Variants in ATP9B observed in about 807,000 individuals in gnomAD.
The protein encoded by ATP9B is ATPase phospholipid transporting 9B.
In ATP9B, 110 loss-of-function variants were observed where a neutral mutation model predicts 146.1. That is an observed-to-expected ratio of 0.75 (90% CI 0.65 to 0.88). The LOEUF is 0.88. ATP9B is among the 40% of genes least tolerant of loss of function. The pLI, the probability that ATP9B is intolerant of heterozygous loss-of-function variation, is 0.00. For synonymous variants in ATP9B, 604 were observed against 569.7 expected (o/e 1.06, Z -0.86); for missense variants, 1,499 against 1,496.4 (o/e 1.00, Z -0.03).
At chr18:79,311,004 T>A (rs1424191582) in intron 15 of ATP9B, among the ~76,000 whole-genome samples, 1 of 152,004 alleles carries the variant, frequency 6.6e-6, no homozygotes, top group Non-Finnish European at 1.5e-5. Context: ...TATAAAAAAT[T>A]AGCCAGGTGT....
At chr18:79,091,187 C>G in intron 1 of ATP9B, among the ~76,000 whole-genome samples, 1 of 152,100 alleles carries the variant, frequency 6.6e-6, no homozygotes, top group East Asian at 1.9e-4. Context: ...TACTATAGCT[C>G]TGCAGTATAA....
At chr18:79,237,445 C>T (rs1385792792) in intron 11 of ATP9B, among the ~76,000 whole-genome samples, 1 of 152,250 alleles carries the variant, frequency 6.6e-6, no homozygotes, top group African/African-American at 2.4e-5. Context: ...CATCTGGGCC[C>T]TTTCCTGTGA....
intron 11 of ATP9B, among the ~76,000 whole-genome samples, chr18:79,247,513 C>T (rs917201081): frequency 1.3e-5 from 2 of 152,150 alleles, no homozygotes; most frequent in African/African-American, 4.8e-5. Context: ...AGGTAATATG[C>T]TTGCAAATTT....
chr18:79,198,900 C>T (rs2095440792), intron 9 of ATP9B, among the ~76,000 whole-genome samples: 1 of 152,142 alleles, frequency 6.6e-6, no homozygotes, highest in Admixed American at 6.5e-5. Context: ...AAGCTACACT[C>T]AACCTATTTA....
Position 79,126,407 on chromosome 18 carries a change from T to G in ATP9B, c.667+32T>G, listed in dbSNP as rs756353924. 9 of 1,441,682 alleles carry G rather than the reference T, an allele frequency of 6.2e-6. No individual in the cohort carries two copies. The South Asian group carries it at 9.8e-5, about 16-fold the overall frequency. The allele number at this position is 1,441,682 out of a possible 1,614,324, so 89.3% of individuals were successfully genotyped here. On this transcript the variant is annotated intron_variant, in intron 5 of 29. Coordinates refer to ENST00000426216, the MANE Select transcript of ATP9B (RefSeq NM_198531.5). ...AAGATGCTTTAATCCTGCTTAGCGTTTGCTTACTGTAATTATCATTTTAGA... is the reference window on the plus strand; with the variant it reads ...AAGATGCTTTAATCCTGCTTAGCGTGTGCTTACTGTAATTATCATTTTAGA...
chr18:79,131,522 C>G (rs577039163), intron 5 of ATP9B, among the ~76,000 whole-genome samples: 1 of 152,128 alleles, frequency 6.6e-6, no homozygotes, highest in Non-Finnish European at 1.5e-5. Flanking sequence ...TATAGAATAT[C>G]GAGTGCTGGA....
chr18:79,342,617 TA>T (rs1446714154), intron 20 of ATP9B, among the ~76,000 whole-genome samples: 1 of 150,560 alleles, frequency 6.6e-6, no homozygotes, highest in East Asian at 1.9e-4. Flanking sequence ...ATTAATTAAT[TA>T]AAAAGCATGT....
At chr18:79,375,558 A>G in intron 29 of ATP9B, 132 bp downstream of exon 29, 2 of 1,488,212 alleles carry the variant, frequency 1.3e-6, no homozygotes, top group Non-Finnish European at 1.8e-6. Flanking sequence ...GATGTCACGT[A>G]AACTGGTGGC....
chr18:79,168,221 G>A (rs968662913), intron 7 of ATP9B, among the ~76,000 whole-genome samples: 2 of 152,220 alleles, frequency 1.3e-5, no homozygotes, highest in Admixed American at 6.5e-5. Flanking sequence ...AGGAGACTTG[G>A]TGGTGGCATT....
At chr18:79,281,814 G>A (rs777153371) in intron 13 of ATP9B, among the ~76,000 whole-genome samples, 9 of 151,958 alleles carry the variant, frequency 5.9e-5, no homozygotes, top group Non-Finnish European at 1.3e-4. Flanking sequence ...ACCGGAGGTC[G>A]GGAGTTCAAG....
intron 1 of ATP9B, among the ~76,000 whole-genome samples, chr18:79,088,427 T>G (rs1207977652): frequency 6.6e-6 from 1 of 152,212 alleles, no homozygotes; most frequent in African/African-American, 2.4e-5. Flanking sequence ...AAATGACATT[T>G]TAAGGGAAAA....
At position 79,294,133 on chromosome 18, in the gene ATP9B, G is replaced by T. The variant is rs578071062; in HGVS notation, c.1412-9471G>T. Among the ~76,000 whole-genome samples, 3 of 152,222 alleles carry T rather than the reference G, an allele frequency of 2.0e-5. No homozygotes were observed. The South Asian group carries it at 6.2e-4, about 31-fold the overall frequency. On this transcript the variant is annotated intron_variant, in intron 13 of 29. Coordinates refer to ENST00000426216, the MANE Select transcript of ATP9B (RefSeq NM_198531.5). Reference sequence around the variant, plus strand: ...ATCCCTGATTTACTGTCTAGAAAGAGTCTGTGAATGGAGTGATTATAAATG... The same window carrying T: ...ATCCCTGATTTACTGTCTAGAAAGATTCTGTGAATGGAGTGATTATAAATG...
chr18:79,282,719 C>T (rs1239483798), intron 13 of ATP9B, among the ~76,000 whole-genome samples: 1 of 152,140 alleles, frequency 6.6e-6, no homozygotes, highest in African/African-American at 2.4e-5. Context: ...AGGTCTGGAA[C>T]CAAGCGCTTC....
At position 79,337,413 on chromosome 18, in the gene ATP9B, G is replaced by T. The variant is rs1413818448; in HGVS notation, c.2247G>T (p.Arg749=). 6.2e-7 allele frequency: 1 copy of T among 1,613,284 alleles called. No homozygotes were observed. The highest frequency in any genetic ancestry group is 8.5e-7 in the Non-Finnish European group (1 of 1,179,996). ...GVEDQLQADV[R]PTLEMLRNAG... is the part of the protein sequence containing the mutation. ...AGGACCAGCTGCAGGCAGACGTGCG[G>T]CCCACGCTGGAGATGCTGCGCAACG... The change falls in exon 19 of 30, where the codon CGG becomes CGT. Residue 749 remains arginine, a synonymous_variant. Coordinates refer to ENST00000426216, the MANE Select transcript of ATP9B (RefSeq NM_198531.5).
At chr18:79,271,958 G>T (rs2096259788) in intron 12 of ATP9B, among the ~76,000 whole-genome samples, 1 of 152,172 alleles carries the variant, frequency 6.6e-6, no homozygotes, top group African/African-American at 2.4e-5. Flanking sequence ...GTATCTCATT[G>T]TGGTTTTGAT....
intron 12 of ATP9B, among the ~76,000 whole-genome samples, chr18:79,270,070 G>A (rs1244771269): frequency 2.0e-5 from 3 of 152,036 alleles, no homozygotes; most frequent in East Asian, 1.9e-4. Context: ...GGGACTTGCC[G>A]CTTGTCTTTG....
At chr18:79,082,771 T>A (rs532299367) in intron 1 of ATP9B, among the ~76,000 whole-genome samples, 3 of 152,350 alleles carry the variant, frequency 2.0e-5, no homozygotes, top group Admixed American at 1.3e-4. Context: ...TGTTTCTTCC[T>A]CTGGAAGCTT....
intron 1 of ATP9B, among the ~76,000 whole-genome samples, chr18:79,075,802 T>G (rs2072537496): frequency 6.6e-6 from 1 of 152,228 alleles, no homozygotes; most frequent in Admixed American, 6.5e-5. Flanking sequence ...GCGTAATGTT[T>G]ATGCCATTTT....
At chr18:79,116,940 T>TTA (rs2094091833) in intron 4 of ATP9B, among the ~76,000 whole-genome samples, 2 of 106,802 alleles carry the variant, frequency 1.9e-5, no homozygotes, top group African/African-American at 3.6e-5. Flanking sequence ...AAAAAAAAAT[T>TTA]AAAAAAAAAA....
Sources: gnomAD v4.1 joint callset for allele counts (sites outside exome capture counted in the v4.1 genomes callset) on GRCh38, gnomAD v4.1.1 for gene constraint, MANE v1.5 for transcripts, NCBI Gene and HGNC (gene_info 2026-07-23, HGNC 2026-07-21) for gene names.